The following EEF1AKMT2 variants were observed in gnomAD, a reference collection of about 807,000 sequenced individuals.
EEF1AKMT2 encodes eukaryotic translation elongation factor 1 alpha lysine methyltransferase 2.
EEF1AKMT2 carries 32 observed loss-of-function variants against 35.8 expected under a neutral mutation model. The ratio of observed to expected loss-of-function variants is 0.89; its 90% CI spans 0.67 to 1.20. EEF1AKMT2 has a LOEUF of 1.20. Among genes scored for constraint, EEF1AKMT2 ranks in the 50% most tolerant of loss-of-function variants. The pLI, the probability that EEF1AKMT2 is intolerant of heterozygous loss-of-function variation, is 0.00. For synonymous variants in EEF1AKMT2, 121 were observed against 133.7 expected, an observed-to-expected ratio of 0.91 and a Z score of 0.65; for missense variants, 330 against 347.5, an observed-to-expected ratio of 0.95 and a Z score of 0.40.
chr10:124,766,778 C>T (rs567557191), intron 4 of EEF1AKMT2, among the ~76,000 whole-genome samples: 17 of 152,286 alleles, frequency 1.1e-4, no homozygotes, highest in African/African-American at 2.9e-4. Flanking sequence ...GCTTCCTCAT[C>T]CTAAATGCCT....
downstream of EEF1AKMT2, chr10:124,757,751 T>C (rs943109422): frequency 4.6e-5 from 7 of 151,410 alleles, no homozygotes; most frequent in African/African-American, 9.7e-5. Flanking sequence ...ACCCAGAAGA[T>C]TGCATGCGTA....
In EEF1AKMT2 at chr10:124,759,830, T is replaced by C. The variant is rs542994657; in HGVS notation, c.*673A>G. The C allele has an allele frequency of 1.3e-5, 2 of 152,406 alleles. No individual in the cohort carries two copies. The highest frequency in any genetic ancestry group is 2.1e-4 in the South Asian group (1 of 4,828). The allele number at this position is 152,406 out of a possible 1,614,324, so 9.4% of individuals were successfully genotyped here. On this transcript the variant is annotated 3_prime_UTR_variant, in exon 7 of 7. Transcript: ENST00000368836. ...TGTGTAGAAGACCATAGCTGCAAAA[T>C]GCAGGCTTGATAACTTGAGCAACTG...
At chr10:124,772,426 T>C (rs887342666) in intron 4 of EEF1AKMT2, among the ~76,000 whole-genome samples, 98 of 108,416 alleles carry the variant, frequency 9.0e-4, no homozygotes, top group African/African-American at 2.7e-3. Context: ...TTTTCTTTTT[T>C]TTTTTTTTTT....
chr10:124,767,527 A>G (rs1308839115), intron 4 of EEF1AKMT2, among the ~76,000 whole-genome samples: 1 of 150,960 alleles, frequency 6.6e-6, no homozygotes, highest in Non-Finnish European at 1.5e-5. Flanking sequence ...AAAAAAAAAA[A>G]GAAAAGAAAA....
intron 3 of EEF1AKMT2, among the ~76,000 whole-genome samples, chr10:124,777,466 A>G (rs1175577072): frequency 6.6e-6 from 1 of 151,904 alleles, no homozygotes; most frequent in Non-Finnish European, 1.5e-5. Context: ...ACAGCATTTT[A>G]CTGTACCGAA....
intron 3 of EEF1AKMT2, among the ~76,000 whole-genome samples, chr10:124,787,071 G>A (rs111281174): frequency 0.015 from 724 of 49,202 alleles, 17 homozygotes; most frequent in African/African-American, 0.053. Flanking sequence ...TCAGCCTCCC[G>A]AGTACCTGGG....
chr10:124,762,300 T>C lies in EEF1AKMT2; in HGVS notation c.875A>G (p.Ter292TrpextTer2), dbSNP rs1950338374. ...TAAATAAAGCTGGAAGGTCACTTAC[T>C]AAAATGCCAACGAGGGCCTGGCATG... is the stretch of plus-strand genomic sequence containing the variant. ...LYHARPSLAF[*>W] Residue 292 changes from the stop codon to tryptophan (W), a stop_lost and splice_region_variant, in exon 6 of 7, where the codon TAG becomes TGG. Coordinates refer to ENST00000368836, the MANE Select transcript of EEF1AKMT2 (RefSeq NM_212554.4). 9.3e-7 allele frequency: 1 copy of C among 1,070,558 alleles called. No homozygotes were observed. Among genetic ancestry groups the C allele is most frequent in the African/African-American group, 1.7e-5 (1 of 60,088 alleles). 66.3% of individuals were successfully genotyped at this position (1,070,558 alleles called of 1,614,324 possible).
At chr10:124,789,931 G>A (rs547704214) in intron 2 of EEF1AKMT2, among the ~76,000 whole-genome samples, 6 of 148,444 alleles carry the variant, frequency 4.0e-5, no homozygotes, top group East Asian at 2.0e-4. Context: ...TCACTCTGTC[G>A]CCCAGGATGG....
chr10:124,786,792 AGAGT>A (rs1378597289), intron 3 of EEF1AKMT2, among the ~76,000 whole-genome samples: 1 of 152,076 alleles, frequency 6.6e-6, no homozygotes, highest in African/African-American at 2.4e-5. Flanking sequence ...CCTGGGCTAC[AGAGT>A]GAAACTCCAT....
At position 124,789,786 on chromosome 10, in the gene EEF1AKMT2, A is replaced by T. The variant is rs979247338; in HGVS notation, c.176+487T>A. On this transcript the variant is annotated intron_variant, in intron 2 of 6. Coordinates refer to ENST00000368836, the MANE Select transcript of EEF1AKMT2 (RefSeq NM_212554.4). ...AAAAAAAAAAAAAAAGTAAAAAATT[A>T]AAAAAGAATAAAAGAAGAGACATAC... is the stretch of plus-strand genomic sequence containing the variant. Among the ~76,000 whole-genome samples, 8 of 151,850 alleles carry T rather than the reference A, an allele frequency of 5.3e-5. No homozygotes were observed. The South Asian group carries it at 6.2e-4, about 12-fold the overall frequency.
At chr10:124,775,337 G>C (rs1462313326) in intron 3 of EEF1AKMT2, among the ~76,000 whole-genome samples, 2 of 152,066 alleles carry the variant, frequency 1.3e-5, no homozygotes, top group Admixed American at 6.6e-5. Flanking sequence ...TGTGAGGTAG[G>C]GTGGGCAGGT....
chr10:124,769,870 C>T (rs1439395518), intron 4 of EEF1AKMT2, among the ~76,000 whole-genome samples: 3 of 133,074 alleles, frequency 2.3e-5, no homozygotes, highest in South Asian at 2.5e-4. Context: ...CGCTTGAAAC[C>T]GGGAGGCAGA....
chr10:124,762,312 G>A lies in EEF1AKMT2; in HGVS notation c.863C>T (p.Ser288Leu), dbSNP rs1053349483. Residue 288 changes from serine (S) to leucine (L), a missense_variant, in exon 6 of 7, where the codon TCG (serine) becomes TTG (leucine). By Grantham distance (145) the Ser-to-Leu change is moderately radical. Coordinates refer to ENST00000368836, the MANE Select transcript of EEF1AKMT2 (RefSeq NM_212554.4). ...GAAGGTCACTTACTAAAATGCCAAC[G>A]AGGGCCTGGCATGGTATAATCCCAG... ...KVLGLYHARP[S>L]LAF is the part of the protein sequence containing the mutation. 1.1e-5 allele frequency: 12 copies of A among 1,073,886 alleles called. No individual in the cohort carries two copies. The highest frequency in any genetic ancestry group is 2.8e-5 in the South Asian group (1 of 35,424). 66.5% of individuals were successfully genotyped at this position (1,073,886 alleles called of 1,614,324 possible). A position where few individuals can be genotyped will look rare whatever the true frequency, so the allele number is the denominator to read the frequency against.
chr10:124,756,459 T>C (rs780015007), downstream of EEF1AKMT2, among the ~76,000 whole-genome samples: 1 of 152,212 alleles, frequency 6.6e-6, no homozygotes, highest in African/African-American at 2.4e-5. Context: ...GTCTTAGGAA[T>C]TATTCCTATC....
At position 124,788,710 on chromosome 10, in the gene EEF1AKMT2, T is replaced by TTTTTTATATATATATATATATATATA. The variant is rs1414544581; in HGVS notation, c.291+332_291+333insTATATATATATATATATATATAAAAA. 2.2e-5 allele frequency among the ~76,000 whole-genome samples: 2 copies of TTTTTTATATATATATATATATATATA among 92,506 alleles called. 1 individual carries two copies. Among genetic ancestry groups the TTTTTTATATATATATATATATATATA allele is most frequent in the African/African-American group, 6.7e-5 (2 of 29,640 alleles). The allele number at this position is 92,506 out of a possible 152,430, so 60.7% of individuals were successfully genotyped here. A position where few individuals can be genotyped will look rare whatever the true frequency, so the allele number is the denominator to read the frequency against. On this transcript the variant is annotated intron_variant, in intron 3 of 6. Coordinates refer to ENST00000368836, the MANE Select transcript of EEF1AKMT2 (RefSeq NM_212554.4). ...CTACTGGAATTGCAAAAGGTCATCT[T>TTTTTTATATATATATATATATATATA]TATATATATATATATATATGCATTT...
intron 5 of EEF1AKMT2, among the ~76,000 whole-genome samples, chr10:124,763,980 C>G (rs1189048736): frequency 6.6e-6 from 1 of 151,972 alleles, no homozygotes. Flanking sequence ...AGTAATGAAG[C>G]CATAAGCTCA....
intron 3 of EEF1AKMT2, among the ~76,000 whole-genome samples, chr10:124,786,461 G>A (rs1414927433): frequency 2.0e-5 from 3 of 149,860 alleles, no homozygotes; most frequent in South Asian, 2.1e-4. Context: ...AGCCGAGATC[G>A]CCCCACTGCA....
chr10:124,760,346 G>A lies in EEF1AKMT2; in HGVS notation c.*157C>T. ...GCATTTATTTGCACAAGGATTTTCT[G>A]TGTCAGGTTAACTTTGCTGTGTAGA... On this transcript the variant is annotated 3_prime_UTR_variant, in exon 7 of 7. Transcript: ENST00000368836. The A allele has an allele frequency of 9.1e-7, 1 of 1,096,236 alleles. No homozygotes were observed. Among genetic ancestry groups the A allele is most frequent in the Non-Finnish European group, 1.4e-6 (1 of 736,206 alleles). The allele number at this position is 1,096,236 out of a possible 1,614,324, so 67.9% of individuals were successfully genotyped here. A position where few individuals can be genotyped will look rare whatever the true frequency, so the allele number is the denominator to read the frequency against.
chr10:124,786,918 C>T (rs1950589490), intron 3 of EEF1AKMT2, among the ~76,000 whole-genome samples: 1 of 151,844 alleles, frequency 6.6e-6, no homozygotes, highest in African/African-American at 2.4e-5. Context: ...AGAACCTATA[C>T]AGGTAAAGAA....
Sources: allele counts gnomAD v4.1 joint callset (sites outside exome capture counted in the v4.1 genomes callset), GRCh38; gene constraint gnomAD v4.1.1; transcripts MANE v1.5; gene names NCBI Gene and HGNC (gene_info 2026-07-23, HGNC 2026-07-21).